The following ST3GAL3 variants were observed in gnomAD, a reference collection of about 807,000 sequenced individuals.
The protein encoded by ST3GAL3 is ST3 beta-galactoside alpha-2,3-sialyltransferase 3, also known as CMP-N-acetylneuraminate-beta-1,4-galactoside alpha-2,3-sialyltransferase.
A neutral mutation model predicts 50.1 loss-of-function variants in ST3GAL3; 21 were observed. That is an observed-to-expected ratio of 0.42 (90% CI 0.30 to 0.60). ST3GAL3 has a LOEUF of 0.60. Among genes scored for constraint, ST3GAL3 ranks in the 20% least tolerant of loss-of-function variants. The pLI, the probability that ST3GAL3 is intolerant of heterozygous loss-of-function variation, is 0.19. For missense variants in ST3GAL3, 353 were observed against 489.4 expected (o/e 0.72, Z 2.63); for synonymous variants, 183 against 190.0 (o/e 0.96, Z 0.30).
chr1:43,767,130 A>C (rs1572453977), intron 2 of ST3GAL3, among the ~76,000 whole-genome samples: 1 of 152,204 alleles, frequency 6.6e-6, no homozygotes, highest in Admixed American at 6.5e-5. Context: ...AGAGGTAGGG[A>C]TACCAATAGC....
At chr1:43,858,454 C>T in intron 5 of ST3GAL3, 1 of 674,106 alleles carries the variant, frequency 1.5e-6, no homozygotes, top group Non-Finnish European at 2.1e-6. Context: ...TGGCTGCATT[C>T]CTGTGGTATT....
At chr1:43,811,081 C>G (rs981808190) in intron 3 of ST3GAL3, among the ~76,000 whole-genome samples, 8 of 152,206 alleles carry the variant, frequency 5.3e-5, no homozygotes, top group Non-Finnish European at 1.0e-4. Flanking sequence ...CTACTGTTCC[C>G]TTAAAATGTT....
At chr1:43,743,592 A>G (rs898615567) in intron 2 of ST3GAL3, 7 of 358,564 alleles carry the variant, frequency 2.0e-5, no homozygotes, top group African/African-American at 1.5e-4. Flanking sequence ...AGGGTCTGTC[A>G]GTGAGGCAGA....
At chr1:43,918,242 C>T (rs4660756) in intron 9 of ST3GAL3, among the ~76,000 whole-genome samples, 30,281 of 151,180 alleles carry the variant, frequency 0.2, 4,065 homozygotes, top group Non-Finnish European at 0.29. Context: ...CCTCAGCCTC[C>T]GATGGCGTGA....
At chr1:43,927,456 C>T (rs967692694) in intron 11 of ST3GAL3, among the ~76,000 whole-genome samples, 4 of 152,218 alleles carry the variant, frequency 2.6e-5, no homozygotes, top group Non-Finnish European at 5.9e-5. Flanking sequence ...CAGTCCTCTG[C>T]TGACCTTTTA....
At position 43,812,384 on chromosome 1, in the gene ST3GAL3, C is replaced by T. The variant is rs2060664389; in HGVS notation, c.167-2507C>T. Among the ~76,000 whole-genome samples the T allele has an allele frequency of 2.0e-5, 3 of 152,312 alleles. No individual in the cohort carries two copies. The South Asian group carries it at 6.2e-4, about 32-fold the overall frequency. ...TTCCCTCTGGGCTCTGACGCTAGAG[C>T]CAAGGGCGAGCTGTCATTTATCATC... is the stretch of plus-strand genomic sequence containing the variant. On this transcript the variant is annotated intron_variant, in intron 3 of 11. Coordinates refer to ENST00000347631, the MANE Select transcript of ST3GAL3 (RefSeq NM_006279.5).
chr1:43,792,714 A>C (rs1238158963), intron 3 of ST3GAL3, among the ~76,000 whole-genome samples: 1 of 152,212 alleles, frequency 6.6e-6, no homozygotes, highest in Non-Finnish European at 1.5e-5. Context: ...ACAGTGCAGG[A>C]CACACAGATC....
intron 1 of ST3GAL3, among the ~76,000 whole-genome samples, chr1:43,732,611 T>G (rs894385129): frequency 6.6e-6 from 1 of 152,230 alleles, no homozygotes; most frequent in African/African-American, 2.4e-5. Context: ...TTCAGTTTAC[T>G]CCTTTGCATA....
intron 5 of ST3GAL3, among the ~76,000 whole-genome samples, chr1:43,893,361 C>G (rs2076922589): frequency 6.6e-6 from 1 of 152,174 alleles, no homozygotes. Flanking sequence ...CTGAGCAGGC[C>G]CCATTGCAGA....
chr1:43,844,857 A>G (rs1380373311), intron 5 of ST3GAL3, among the ~76,000 whole-genome samples: 2 of 152,148 alleles, frequency 1.3e-5, no homozygotes, highest in Non-Finnish European at 2.9e-5. Context: ...ATATTAGAAC[A>G]AAAGATTCTC....
At chr1:43,740,671 A>T (rs1680476008) in intron 2 of ST3GAL3, among the ~76,000 whole-genome samples, 1 of 151,946 alleles carries the variant, frequency 6.6e-6, no homozygotes, top group South Asian at 2.1e-4. Flanking sequence ...ATCCAGGCAT[A>T]GTGGTGCACA....
chr1:43,722,695 G>C (rs1275507588), intron 1 of ST3GAL3, among the ~76,000 whole-genome samples: 2 of 152,198 alleles, frequency 1.3e-5, no homozygotes, highest in Non-Finnish European at 2.9e-5. Flanking sequence ...TGTGCAGGAT[G>C]AGAGTGAGGA....
At chr1:43,867,123 C>A (rs2071522445) in intron 5 of ST3GAL3, among the ~76,000 whole-genome samples, 1 of 152,188 alleles carries the variant, frequency 6.6e-6, no homozygotes, top group African/African-American at 2.4e-5. Context: ...GAGCGAGACT[C>A]CGTCTCAAAA....
intron 5 of ST3GAL3, among the ~76,000 whole-genome samples, chr1:43,871,482 CTGGGGTGTGAGGGAGAGGA>C (rs751359230): frequency 0.067 from 3,088 of 45,782 alleles, 228 homozygotes; most frequent in Middle Eastern, 0.12. Context: ...GAGGGAGAGG[CTGGGGTGTGAGGGAGAGGA>C]TGGGGTGTGA....
At chr1:43,906,908 T>C (rs1365392942) in intron 9 of ST3GAL3, among the ~76,000 whole-genome samples, 1 of 152,218 alleles carries the variant, frequency 6.6e-6, no homozygotes, top group Non-Finnish European at 1.5e-5. Context: ...GTCACACAAC[T>C]AGTTAAGTGG....
At chr1:43,863,749 G>A (rs937211186) in intron 5 of ST3GAL3, among the ~76,000 whole-genome samples, 4 of 152,272 alleles carry the variant, frequency 2.6e-5, no homozygotes, top group Non-Finnish European at 4.4e-5. Context: ...AGTGTCCTCA[G>A]CGTGTGGGAG....
intron 9 of ST3GAL3, among the ~76,000 whole-genome samples, chr1:43,908,471 A>G (rs2154282304): frequency 6.6e-6 from 1 of 152,236 alleles, no homozygotes; most frequent in Admixed American, 6.5e-5. Flanking sequence ...CTGAATGAGA[A>G]ACTCTGGTTG....
At chr1:43,717,834 C>G (rs937246900) in intron 1 of ST3GAL3, among the ~76,000 whole-genome samples, 1 of 151,520 alleles carries the variant, frequency 6.6e-6, no homozygotes, top group Non-Finnish European at 1.5e-5. Context: ...GTATTTTACA[C>G]ATACAAGAAC....
intron 2 of ST3GAL3, among the ~76,000 whole-genome samples, chr1:43,745,768 A>G (rs1299123116): frequency 1.3e-5 from 2 of 152,122 alleles, no homozygotes; most frequent in Non-Finnish European, 2.9e-5. Context: ...AGCTGGGACT[A>G]CAGGTGCATG....
Sources: gnomAD v4.1 joint callset for allele counts (sites outside exome capture counted in the v4.1 genomes callset) on GRCh38, gnomAD v4.1.1 for gene constraint, MANE v1.5 for transcripts, NCBI Gene and HGNC (gene_info 2026-07-23, HGNC 2026-07-21) for gene names.